The following ELL variants were observed in gnomAD, a reference collection of about 807,000 sequenced individuals.
ELL encodes elongation factor for RNA polymerase II.
In ELL, 18 loss-of-function variants were observed where a neutral mutation model predicts 64.0. That is an observed-to-expected ratio of 0.28 (90% CI 0.19 to 0.42). ELL has a LOEUF of 0.42. Among genes scored for constraint, ELL ranks in the 10% least tolerant of loss-of-function variants. The pLI is 1.00. For missense variants in ELL, 797 were observed against 870.4 expected (o/e 0.92, Z 1.06); for synonymous variants, 399 against 376.2 (o/e 1.06, Z -0.70).
At chr19:18,451,103 G>A (rs781024728) in intron 7 of ELL, 128 bp from the exon 8 acceptor site, 9 of 1,312,372 alleles carry the variant, frequency 6.9e-6, no homozygotes, top group African/African-American at 6.0e-5. Context: ...GGGGGCGCCC[G>A]AGCACCAAGT....
At chr19:18,469,297 G>A (rs1187430712) in intron 2 of ELL, among the ~76,000 whole-genome samples, 2 of 152,212 alleles carry the variant, frequency 1.3e-5, no homozygotes, top group South Asian at 2.1e-4. Context: ...CCTAGCACAC[G>A]AAGCGCTATG....
intron 5 of ELL, 64 bp downstream of exon 5, chr19:18,461,514 C>A (rs1974812539): frequency 6.5e-7 from 1 of 1,540,840 alleles, no homozygotes; most frequent in South Asian, 1.2e-5. Flanking sequence ...TCTGGCCCAT[C>A]CCACCCGCAC....
chr19:18,477,863 T>C (rs886453035), intron 1 of ELL, among the ~76,000 whole-genome samples: 15 of 152,158 alleles, frequency 9.9e-5, no homozygotes, highest in Non-Finnish European at 1.9e-4. Context: ...TTTCTTATGA[T>C]GTTTCTGCAA....
intron 8 of ELL, among the ~76,000 whole-genome samples, chr19:18,447,978 G>A (rs1974451990): frequency 6.6e-6 from 1 of 151,912 alleles, no homozygotes; most frequent in Non-Finnish European, 1.5e-5. Context: ...TAGAGATGGG[G>A]TCTCACTGTG....
chr19:18,512,203 T>TA (rs1314358736), intron 1 of ELL, among the ~76,000 whole-genome samples: 1 of 151,856 alleles, frequency 6.6e-6, no homozygotes, highest in African/African-American at 2.4e-5. Flanking sequence ...CATATGCCTG[T>TA]AGTCCCAACT....
chr19:18,451,421 G>A (rs948637820), intron 7 of ELL, 131 bp downstream of exon 7: 175 of 851,064 alleles, frequency 2.1e-4, no homozygotes, highest in Non-Finnish European at 2.7e-4. Flanking sequence ...GTCCCTGGGC[G>A]GAGGGAGGCG....
In ELL at chr19:18,450,725, T is replaced by G. The variant is rs1339467162; in HGVS notation, c.1217A>C (p.His406Pro). 6.3e-7 allele frequency: 1 copy of G among 1,586,540 alleles called. No individual in the cohort carries two copies. Among genetic ancestry groups the G allele is most frequent in the Admixed American group, 1.8e-5 (1 of 54,794 alleles). The change falls in exon 8 of 12, where the codon CAC becomes CCC. Residue 406 changes from histidine (H) to proline (P), a missense_variant. Coordinates refer to ENST00000262809, the MANE Select transcript of ELL (RefSeq NM_006532.4). ...TCCGTGCTCACAGTCTCGGCCGCTG[T>G]GGCCCAGGTCATTGCTGACATCGGC... is the stretch of plus-strand genomic sequence containing the variant. Reference protein sequence around the residue: ...PLADVSNDLGHSGRDCEHGEA... With the variant: ...PLADVSNDLGPSGRDCEHGEA...
chr19:18,494,336 C>T (rs1359158640), intron 1 of ELL, among the ~76,000 whole-genome samples: 1 of 151,880 alleles, frequency 6.6e-6, no homozygotes, highest in Non-Finnish European at 1.5e-5. Flanking sequence ...CCAGCCATGA[C>T]AGCATCAGCT....
chr19:18,477,911 G>C lies in ELL; in HGVS notation c.136-5029C>G, dbSNP rs574678232. Among the ~76,000 whole-genome samples, 106 of 152,298 alleles carry C rather than the reference G, an allele frequency of 7.0e-4. 1 individual carries two copies. Among genetic ancestry groups the C allele is most frequent in the Non-Finnish European group, 1.8e-4 (12 of 68,032 alleles). ...GGCATAAATTACGGTAGTGAGGCTG[G>C]GGTTTTGAATGTGGGGTGCTAAATA... On this transcript the variant is annotated intron_variant, in intron 1 of 11. Coordinates refer to ENST00000262809, the MANE Select transcript of ELL (RefSeq NM_006532.4).
intron 1 of ELL, among the ~76,000 whole-genome samples, chr19:18,502,747 G>A (rs1012394654): frequency 6.6e-6 from 1 of 152,240 alleles, no homozygotes; most frequent in African/African-American, 2.4e-5. Flanking sequence ...GGAACACGGG[G>A]TGGCAGCATG....
At chr19:18,481,147 C>T (rs1234365654) in intron 1 of ELL, among the ~76,000 whole-genome samples, 9 of 152,198 alleles carry the variant, frequency 5.9e-5, no homozygotes, top group Non-Finnish European at 1.0e-4. Flanking sequence ...GAGACTGACC[C>T]TCCCCGCACC....
chr19:18,519,128 C>T (rs1976196784), intron 1 of ELL, among the ~76,000 whole-genome samples: 1 of 151,288 alleles, frequency 6.6e-6, no homozygotes, highest in Non-Finnish European at 1.5e-5. Flanking sequence ...TTTGGGAGGC[C>T]GAGGTGGGCA....
chr19:18,451,918 C>T (rs1428881782), intron 6 of ELL, among the ~76,000 whole-genome samples: 1 of 152,206 alleles, frequency 6.6e-6, no homozygotes, highest in Non-Finnish European at 1.5e-5. Flanking sequence ...AGACCAGGGA[C>T]ACACGCTAGG....
chr19:18,484,472 A>G (rs1052115728), intron 1 of ELL, among the ~76,000 whole-genome samples: 6 of 152,128 alleles, frequency 3.9e-5, no homozygotes, highest in African/African-American at 1.4e-4. Flanking sequence ...CTCAAGAAAG[A>G]AAAATAAAAA....
intron 2 of ELL, among the ~76,000 whole-genome samples, chr19:18,470,470 C>T (rs1447176141): frequency 6.6e-6 from 1 of 152,226 alleles, no homozygotes; most frequent in Admixed American, 6.5e-5. Flanking sequence ...CAGGCCAGCC[C>T]GCCCCTGCCC....
intron 2 of ELL, among the ~76,000 whole-genome samples, chr19:18,467,631 C>CCACACACACACA (rs56351300): frequency 7.5e-5 from 5 of 66,968 alleles, no homozygotes; most frequent in Admixed American, 2.1e-4. Flanking sequence ...CACCACACAA[C>CCACACACACACA]CACACACACA....
intron 8 of ELL, chr19:18,448,932 C>G (rs975956990): frequency 6.6e-6 from 1 of 152,184 alleles, no homozygotes; most frequent in Non-Finnish European, 1.5e-5. Context: ...GTCCTGGGCA[C>G]GGGCACAGGA....
At chr19:18,447,870 G>C (rs1436583146) in intron 8 of ELL, among the ~76,000 whole-genome samples, 4 of 150,956 alleles carry the variant, frequency 2.6e-5, no homozygotes, top group Non-Finnish European at 5.9e-5. Context: ...CTACAACCTT[G>C]AACTCCTGGG....
At chr19:18,455,167 A>C (rs1974636250) in intron 6 of ELL, among the ~76,000 whole-genome samples, 1 of 151,144 alleles carries the variant, frequency 6.6e-6, no homozygotes, top group African/African-American at 2.4e-5. Context: ...GAAAGAAAGA[A>C]AGAAAAAGAC....
Sources: allele counts gnomAD v4.1 joint callset (sites outside exome capture counted in the v4.1 genomes callset), GRCh38; gene constraint gnomAD v4.1.1; transcripts MANE v1.5; gene names NCBI Gene and HGNC (gene_info 2026-07-23, HGNC 2026-07-21).